ASIC4: variants seen among roughly 807,000 people sequenced by gnomAD.
The protein encoded by ASIC4 is acid-sensing ion channel 4.
Under a neutral mutation model 53.4 loss-of-function variants are expected in ASIC4, and 28 were observed. That is an observed-to-expected ratio of 0.52 (90% confidence interval 0.39 to 0.72). The LOEUF (loss-of-function observed/expected upper bound fraction) is 0.72. Ranked by LOEUF, ASIC4 falls within the 30% of genes least tolerant of loss-of-function variation. The probability of loss-of-function intolerance (pLI) is 0.00; values close to 1 mark genes in which losing one functional copy is unlikely to be tolerated. For missense variants in ASIC4, 649 were observed against 729.7 expected, an observed-to-expected ratio of 0.89 and a Z score of 1.27; for synonymous variants, 289 against 301.4, an observed-to-expected ratio of 0.96 and a Z score of 0.43.
chr2:219,530,519 C>T (rs1229206084), intron 1 of ASIC4, among the ~76,000 whole-genome samples: 1 of 152,262 alleles, frequency 6.6e-6, no homozygotes, highest in African/African-American at 2.4e-5. Flanking sequence ...GGGAGATGGA[C>T]AATGGACAGG....
chr2:219,512,504 GA>G (rs2125649820), upstream of ASIC4, among the ~76,000 whole-genome samples: 1 of 152,228 alleles, frequency 6.6e-6, no homozygotes, highest in East Asian at 1.9e-4. Context: ...AATATTAGGA[GA>G]AAGGAGAAGA....
rs1158947741 is a variant in ASIC4 at position 219,536,304 on chromosome 2, AG to A, written c.1230-757del. 5.9e-5 allele frequency among the ~76,000 whole-genome samples: 9 copies of A among 152,214 alleles called. No individual in the cohort carries two copies. Among genetic ancestry groups the A allele is most frequent in the Admixed American group, 3.3e-4 (5 of 15,290 alleles). ...ACAGGAGAGGAACACAGTACCCTGC[AG>A]GGGGAGGCAGGAGGGACCGCCCTGA... On this transcript the variant is annotated intron_variant, in intron 6 of 9. Coordinates refer to ENST00000358078, the MANE Select transcript of ASIC4 (RefSeq NM_018674.6). The surrounding 1 kb of genome is among the most constrained non-coding windows in gnomAD (Gnocchi z 4.6).
chr2:219,534,804 TCC>T (rs1202318070), intron 5 of ASIC4, among the ~76,000 whole-genome samples: 2 of 121,966 alleles, frequency 1.6e-5, no homozygotes, highest in African/African-American at 5.6e-5. Flanking sequence ...CATCCATCCA[TCC>T]ATCCATGCAT....
At chr2:219,509,124 C>T in the ASIC4 span, among the ~76,000 whole-genome samples, 6 of 151,896 alleles carry the variant, frequency 4.0e-5, no homozygotes, top group African/African-American at 1.5e-4. This position sits in a 1 kb window ranked among gnomAD's most constrained non-coding sequence, Gnocchi z 5.2. Flanking sequence ...TCCCTCCAGT[C>T]CCCTAGGCCA....
chr2:219,537,631 G>C lies in ASIC4; in HGVS notation c.1402-1G>C, dbSNP rs1460256932. 1 of 1,611,038 alleles carries C rather than the reference G, an allele frequency of 6.2e-7. No individual in the cohort carries two copies. The highest frequency in any genetic ancestry group is 8.5e-7 in the Non-Finnish European group (1 of 1,178,616). On this transcript the variant is annotated splice_acceptor_variant, in intron 8 of 9. Transcript: ENST00000358078. LOFTEE classifies it high-confidence loss of function. This position sits in a 1 kb window ranked among gnomAD's most constrained non-coding sequence, Gnocchi z 4.9. The stretch of plus-strand genomic sequence containing the variant: ...TGCTGTCCCCGACCCTGAACCCCAA[G>C]GTGTCCTGGGATCGACTGAAGCGGG...
At chr2:219,511,914 G>C (rs1374960129), upstream of ASIC4, among the ~76,000 whole-genome samples, 3 of 152,020 alleles carry the variant, frequency 2.0e-5, no homozygotes, top group Non-Finnish European at 2.9e-5. The surrounding 1 kb of genome is among the most constrained non-coding windows in gnomAD (Gnocchi z 5.3). Context: ...GGAGGAGAGA[G>C]GGGACGGGGC....
chr2:219,511,398 C>A (rs112539284), upstream of ASIC4, among the ~76,000 whole-genome samples: 5,324 of 150,980 alleles, frequency 0.035, 317 homozygotes, highest in African/African-American at 0.12. This position sits in a 1 kb window ranked among gnomAD's most constrained non-coding sequence, Gnocchi z 5.3. Flanking sequence ...CACTGCCCCC[C>A]CCCCACATTC....
chr2:219,523,720 C>T (rs1197313254), intron 1 of ASIC4, among the ~76,000 whole-genome samples: 2 of 152,196 alleles, frequency 1.3e-5, no homozygotes, highest in African/African-American at 4.8e-5. Flanking sequence ...CCCATCACTA[C>T]AAGGATCACA....
Position 219,538,213 on chromosome 2 carries a change from G to A in ASIC4, c.*167G>A, listed in dbSNP as rs918424934. On this transcript the variant is annotated 3_prime_UTR_variant, in exon 10 of 10. Coordinates refer to ENST00000358078, the MANE Select transcript of ASIC4 (RefSeq NM_018674.6). ...CCTGATGTCAGCTGCTTTGCACAAA[G>A]GTCCTTCTTGTCCACACCCCTTATC... The A allele has an allele frequency of 3.9e-5, 25 of 649,116 alleles. No individual in the cohort carries two copies. The highest frequency in any genetic ancestry group is 6.0e-5 in the Non-Finnish European group (22 of 368,980). The allele number at this position is 649,116 out of a possible 1,614,324, so 40.2% of individuals were successfully genotyped here. A position where few individuals can be genotyped will look rare whatever the true frequency, so the allele number is the denominator to read the frequency against.
chr2:219,518,522 C>CT lies in ASIC4; in HGVS notation c.582+3217dup, dbSNP rs201546248. Among the ~76,000 whole-genome samples the CT allele has an allele frequency of 2.0e-5, 3 of 151,816 alleles. No homozygotes were observed. Among genetic ancestry groups the CT allele is most frequent in the African/African-American group, 7.3e-5 (3 of 41,190 alleles). ...GCTAGTTTACCTCTGCTCCTCTCTTCTCCCTCCCCTCTTCACTCAGTCTCA... is the reference window on the plus strand; with the variant it reads ...GCTAGTTTACCTCTGCTCCTCTCTTCTTCCCTCCCCTCTTCACTCAGTCTCA... On this transcript the variant is annotated intron_variant, in intron 1 of 9. Coordinates refer to ENST00000358078, the MANE Select transcript of ASIC4 (RefSeq NM_018674.6). The surrounding 1 kb of genome is among the most constrained non-coding windows in gnomAD (Gnocchi z 4.8).
In ASIC4 at chr2:219,537,335, A is replaced by C. The variant is rs777122019; in HGVS notation, c.1401+14A>C. On this transcript the variant is annotated intron_variant, in intron 8 of 9. Transcript: ENST00000358078. This position sits in a 1 kb window ranked among gnomAD's most constrained non-coding sequence, Gnocchi z 4.9. ...TACATCTATGAGGCAAGGGCCCTGGAGAAGGCAGGGTGGGAGTGGGGGCCG... is the reference window on the plus strand; with the variant it reads ...TACATCTATGAGGCAAGGGCCCTGGCGAAGGCAGGGTGGGAGTGGGGGCCG... The C allele has an allele frequency of 1.2e-6, 2 of 1,609,842 alleles. No individual in the cohort carries two copies. Among genetic ancestry groups the C allele is most frequent in the South Asian group, 2.2e-5 (2 of 90,376 alleles).
Position 219,537,317 on chromosome 2 carries a change from A to G in ASIC4, c.1397A>G (p.Tyr466Cys), listed in dbSNP as rs1395917200. The change falls in exon 8 of 10, where the codon TAT becomes TGT. Residue 466 changes from tyrosine (Y) to cysteine (C), a missense_variant. Transcript: ENST00000358078. This position sits in a 1 kb window ranked among gnomAD's most constrained non-coding sequence, Gnocchi z 4.9. ...TTGCTGGAGATCCTCGACTACATCT[A>G]TGAGGCAAGGGCCCTGGAGAAGGCA... ...LTLLEILDYI[Y>C]EVSWDRLKRV... The G allele has an allele frequency of 1.9e-6, 3 of 1,612,534 alleles. No homozygotes were observed. The highest frequency in any genetic ancestry group is 1.1e-5 in the South Asian group (1 of 90,788).
rs186898701 is a variant in ASIC4, at chr2:219,531,946, G to A, written c.727+44G>A. The A allele has an allele frequency of 8.7e-6, 14 of 1,612,828 alleles. No homozygotes were observed. In the Admixed American group the frequency reaches 1.7e-4, roughly 19 times the overall value. On this transcript the variant is annotated intron_variant, in intron 2 of 9. Transcript: ENST00000358078. ...GACAAGGGCCACCTTGGGGACTGGG[G>A]CCTGGGCCCTCTGCCTGGGATGGGT...
Position 219,518,916 on chromosome 2 carries a change from GT to G in ASIC4, c.582+3617del, listed in dbSNP as rs1553521425. Among the ~76,000 whole-genome samples the G allele has an allele frequency of 6.6e-6, 1 of 152,042 alleles. No homozygotes were observed. Among genetic ancestry groups the G allele is most frequent in the African/African-American group, 2.4e-5 (1 of 41,370 alleles). Reference sequence around the variant, plus strand: ...GGTTTGTGTATTCTTTTTTTTGTTTGTTTTTTTGAGACAGAGTCTCGTTGTT... The same window carrying G: ...GGTTTGTGTATTCTTTTTTTTGTTTGTTTTTTGAGACAGAGTCTCGTTGTT... On this transcript the variant is annotated intron_variant, in intron 1 of 9. Coordinates refer to ENST00000358078, the MANE Select transcript of ASIC4 (RefSeq NM_018674.6). The surrounding 1 kb of genome is among the most constrained non-coding windows in gnomAD (Gnocchi z 4.8).
chr2:219,508,701 T>A, the ASIC4 span, among the ~76,000 whole-genome samples: 1 of 151,530 alleles, frequency 6.6e-6, no homozygotes, highest in Admixed American at 6.6e-5. Context: ...TGTCCACCGC[T>A]GCTGGGACCC....
Position 219,537,053 on chromosome 2 carries a change from C to T in ASIC4, c.1230-13C>T. The T allele has an allele frequency of 6.2e-7, 1 of 1,613,010 alleles. No individual in the cohort carries two copies. The highest frequency in any genetic ancestry group is 8.5e-7 in the Non-Finnish European group (1 of 1,179,160). Reference sequence around the variant, plus strand: ...AGAGGCCCACACGGATACCCTGCTTCCTGTCTCCACAGGGAGAACTTCCTG... The same window carrying T: ...AGAGGCCCACACGGATACCCTGCTTTCTGTCTCCACAGGGAGAACTTCCTG... On this transcript the variant is annotated splice_polypyrimidine_tract_variant and intron_variant, in intron 6 of 9. Transcript: ENST00000358078. This position sits in a 1 kb window ranked among gnomAD's most constrained non-coding sequence, Gnocchi z 4.9.
upstream of ASIC4, among the ~76,000 whole-genome samples, chr2:219,511,260 G>C (rs1033400648): frequency 9.9e-5 from 15 of 152,094 alleles, no homozygotes; most frequent in African/African-American, 3.4e-4. The surrounding 1 kb of genome is among the most constrained non-coding windows in gnomAD (Gnocchi z 5.3). Context: ...GAACCCCCCA[G>C]GTTGGATCCT....
rs367945240 is a variant in ASIC4, at chr2:219,531,913, C to A, written c.727+11C>A. 6.2e-7 allele frequency: 1 copy of A among 1,610,864 alleles called. No individual in the cohort carries two copies. Among genetic ancestry groups the A allele is most frequent in the African/African-American group, 1.3e-5 (1 of 75,020 alleles). ...TCTGGAGGGAGACAAGTACGCAGGCCGGAAAGGGACAAGGGCCACCTTGGG... is the reference window on the plus strand; with the variant it reads ...TCTGGAGGGAGACAAGTACGCAGGCAGGAAAGGGACAAGGGCCACCTTGGG... On this transcript the variant is annotated intron_variant, in intron 2 of 9. Coordinates refer to ENST00000358078, the MANE Select transcript of ASIC4 (RefSeq NM_018674.6).
In ASIC4 at chr2:219,535,187, C is replaced by T. The variant is rs148110150; in HGVS notation, c.1092C>T (p.Gly364=). ...ADHTLDSLGG[G]PEGPCFCPTP... ...GTGTTGCAGACTCCCTGGGTGGGGGCCCTGAGGGCCCGTGCTTCTGCCCCA... is the reference window on the plus strand; with the variant it reads ...GTGTTGCAGACTCCCTGGGTGGGGGTCCTGAGGGCCCGTGCTTCTGCCCCA... The change falls in exon 6 of 10, where the codon GGC becomes GGT. Residue 364 remains glycine (G), a synonymous_variant. Transcript: ENST00000358078. 1.4e-5 allele frequency: 22 copies of T among 1,613,246 alleles called. No individual in the cohort carries two copies. Among genetic ancestry groups the T allele is most frequent in the Non-Finnish European group, 1.9e-5 (22 of 1,179,656 alleles).
Sources: gnomAD v4.1 joint callset for allele counts (sites outside exome capture counted in the v4.1 genomes callset) on GRCh38, gnomAD v4.1.1 for gene constraint, Gnocchi (gnomAD v3.1) non-coding constraint, MANE v1.5 for transcripts, NCBI Gene and HGNC (gene_info 2026-07-23, HGNC 2026-07-21) for gene names.